The following ZFP1 variants were observed in gnomAD, a reference collection of about 807,000 sequenced individuals.
ZFP1 encodes the protein zinc finger protein 1 homolog.
In ZFP1, 32 loss-of-function variants were observed where a neutral mutation model predicts 38.5. That is an observed-to-expected ratio of 0.83 (90% CI 0.63 to 1.12). ZFP1 has a LOEUF of 1.12. Ranked by LOEUF, ZFP1 falls within the 50% of genes most tolerant of loss-of-function variation. ZFP1 has a pLI of 0.00. For missense variants in ZFP1, 616 were observed against 480.8 expected, an observed-to-expected ratio of 1.28 and a Z score of -2.63; for synonymous variants, 245 against 168.8, an observed-to-expected ratio of 1.45 and a Z score of -3.50.
At chr16:75,164,348 C>T (rs890453461) in intron 2 of ZFP1, among the ~76,000 whole-genome samples, 12 of 152,094 alleles carry the variant, frequency 7.9e-5, no homozygotes, top group Admixed American at 7.9e-4. Context: ...TTTTTCAGTA[C>T]TTTCCTATTT....
rs1023868803 is a variant in ZFP1 at position 75,169,111 on chromosome 16, C to T, written c.143-142C>T. On this transcript the variant is annotated intron_variant, in intron 3 of 3. Transcript: ENST00000570010. ...CAAAGTTTGAAAGGAAACATTTGCA[C>T]TGGGAATTTTTTAATATTGGGAGAC... 6 of 1,143,594 alleles carry T rather than the reference C, an allele frequency of 5.2e-6. No homozygotes were observed. In the African/African-American group the frequency reaches 9.4e-5, roughly 18 times the overall value. The allele number at this position is 1,143,594 out of a possible 1,614,324, so 70.8% of individuals were successfully genotyped here.
At chr16:75,166,645 C>T in intron 2 of ZFP1, 125 bp from the exon 3 acceptor site, 3 of 1,528,990 alleles carry the variant, frequency 2.0e-6, no homozygotes, top group African/African-American at 2.8e-5. Flanking sequence ...TGAACAAAAA[C>T]AGTGAACAAG....
At chr16:75,144,167 A>C (rs2036918989), upstream of ZFP1, 1 of 152,230 alleles carries the variant, frequency 6.6e-6, no homozygotes, top group Non-Finnish European at 1.5e-5. Flanking sequence ...GTGCTTACTC[A>C]GTGCTGTTAC....
At chr16:75,130,998 A>C in the ZFP1 span, among the ~76,000 whole-genome samples, 2 of 151,972 alleles carry the variant, frequency 1.3e-5, no homozygotes, top group African/African-American at 4.8e-5. Flanking sequence ...ATATCCATTT[A>C]TCATCTTTCC....
At chr16:75,147,575 C>G (rs1469947472), upstream of ZFP1, among the ~76,000 whole-genome samples, 3 of 151,928 alleles carry the variant, frequency 2.0e-5, no homozygotes, top group African/African-American at 7.3e-5. Context: ...GTGTGAGCCA[C>G]TGAGCCTGGC....
chr16:75,129,681 A>G, the ZFP1 span, among the ~76,000 whole-genome samples: 2 of 152,190 alleles, frequency 1.3e-5, no homozygotes, highest in Admixed American at 1.3e-4. Flanking sequence ...ATGTTTCCCT[A>G]AAATGTAAAA....
chr16:75,123,600 C>A, the ZFP1 span, among the ~76,000 whole-genome samples: 18 of 149,438 alleles, frequency 1.2e-4, no homozygotes, highest in African/African-American at 4.4e-4. Flanking sequence ...GCCTCAGCCT[C>A]CCAAGTAGCT....
intron 3 of ZFP1, 30 bp from the exon 4 acceptor site, chr16:75,169,223 G>A (rs566035666): frequency 1.3e-6 from 2 of 1,568,188 alleles, no homozygotes; most frequent in South Asian, 2.4e-5. Flanking sequence ...GCATTGACAA[G>A]GTTCTTTTCA....
At chr16:75,119,017 T>A in the ZFP1 span, among the ~76,000 whole-genome samples, 1 of 152,176 alleles carries the variant, frequency 6.6e-6, no homozygotes, top group Non-Finnish European at 1.5e-5. Context: ...ACCCAAACAA[T>A]GTTCATCTTA....
the ZFP1 span, among the ~76,000 whole-genome samples, chr16:75,124,036 G>A: frequency 6.6e-6 from 1 of 151,808 alleles, no homozygotes; most frequent in African/African-American, 2.4e-5. Context: ...AGAGGTTGCA[G>A]TAAGCCAAGA....
intron 1 of ZFP1, among the ~76,000 whole-genome samples, chr16:75,152,579 A>G (rs2037261601): frequency 6.6e-6 from 1 of 152,076 alleles, no homozygotes; most frequent in South Asian, 2.1e-4. Context: ...CATGTTGTCC[A>G]CCTTTTCTAG....
At chr16:75,151,076 C>T (rs1264850982) in intron 1 of ZFP1, among the ~76,000 whole-genome samples, 3 of 151,956 alleles carry the variant, frequency 2.0e-5, no homozygotes, top group African/African-American at 7.3e-5. Flanking sequence ...CCAGGCTGGT[C>T]TCAAACCCCT....
chr16:75,129,318 G>T, the ZFP1 span, among the ~76,000 whole-genome samples: 1 of 152,130 alleles, frequency 6.6e-6, no homozygotes, highest in African/African-American at 2.4e-5. Context: ...TGAAACCTGA[G>T]ATCAGAGACT....
chr16:75,171,977 C>T lies in ZFP1; in HGVS notation c.*1643C>T, dbSNP rs1263574483. ...CCCTAAGGAATAAAAAGCGCCAGCA[C>T]TTAAGATTATATGTTTACTAATGTA... is the stretch of plus-strand genomic sequence containing the variant. On this transcript the variant is annotated 3_prime_UTR_variant, in exon 4 of 4. Transcript: ENST00000570010. 2.6e-5 allele frequency: 4 copies of T among 152,104 alleles called. No individual in the cohort carries two copies. The highest frequency in any genetic ancestry group is 4.8e-5 in the African/African-American group (2 of 41,392). The allele number at this position is 152,104 out of a possible 1,614,324, so 9.4% of individuals were successfully genotyped here.
the ZFP1 span, among the ~76,000 whole-genome samples, chr16:75,124,431 A>G: frequency 6.8e-6 from 1 of 147,936 alleles, no homozygotes; most frequent in Non-Finnish European, 1.5e-5. Flanking sequence ...AAGTGCTGGG[A>G]TTACAGGCGT....
rs757761955 is a variant in ZFP1 at position 75,169,360 on chromosome 16, G to A, written c.250G>A (p.Asp84Asn). The change falls in exon 4 of 4, where the codon GAT becomes AAT. Residue 84 changes from aspartate (D) to asparagine (N), a missense_variant. Asp to Asn is a conservative substitution (Grantham distance 23). Transcript: ENST00000570010. ...CCAAACCCCAATTGAGGAAAGAGGC[G>A]ATCTCTTTGGAAAAGCACTTAATCT... ...KNQTPIEERG[D>N]LFGKALNLNT... The A allele has an allele frequency of 5.0e-6, 8 of 1,613,870 alleles. No homozygotes were observed. Among genetic ancestry groups the A allele is most frequent in the East Asian group, 2.2e-5 (1 of 44,892 alleles).
At chr16:75,160,709 TGA>T (rs2145544300) in intron 2 of ZFP1, among the ~76,000 whole-genome samples, 1 of 151,198 alleles carries the variant, frequency 6.6e-6, no homozygotes, top group African/African-American at 2.4e-5. Flanking sequence ...TTCTAGAAGC[TGA>T]GAGTCCAAGA....
At chr16:75,153,999 A>C (rs1170832597) in intron 2 of ZFP1, among the ~76,000 whole-genome samples, 1 of 152,190 alleles carries the variant, frequency 6.6e-6, no homozygotes, top group East Asian at 1.9e-4. Context: ...TATGCATTTA[A>C]GGTTTCTCCA....
intron 2 of ZFP1, among the ~76,000 whole-genome samples, chr16:75,164,413 CA>C (rs1326805128): frequency 6.6e-6 from 1 of 152,204 alleles, no homozygotes; most frequent in Non-Finnish European, 1.5e-5. Context: ...CTTCCTGCCA[CA>C]ACTTCTAAGT....
Sources: allele counts gnomAD v4.1 joint callset (sites outside exome capture counted in the v4.1 genomes callset), GRCh38; gene constraint gnomAD v4.1.1; transcripts MANE v1.5; gene names NCBI Gene and HGNC (gene_info 2026-07-23, HGNC 2026-07-21).